Variants in EFCAB5 observed in about 807,000 individuals in gnomAD.
EFCAB5 encodes the protein EF-hand calcium binding domain 5.
EFCAB5 carries 131 observed loss-of-function variants against 167.9 expected under a neutral mutation model. The ratio of observed to expected loss-of-function variants is 0.78; its 90% CI spans 0.68 to 0.90. The LOEUF (loss-of-function observed/expected upper bound fraction) is 0.90. Among genes scored for constraint, EFCAB5 ranks in the 40% least tolerant of loss-of-function variants. The pLI is 0.00. For missense variants in EFCAB5, 1,663 were observed against 1,745.2 expected (o/e 0.95, Z 0.84); for synonymous variants, 574 against 602.8 (o/e 0.95, Z 0.70).
intron 8 of EFCAB5, among the ~76,000 whole-genome samples, chr17:30,039,367 T>C (rs937048789): frequency 6.6e-6 from 1 of 152,212 alleles, no homozygotes; most frequent in Non-Finnish European, 1.5e-5. Flanking sequence ...CATCTTTTCC[T>C]TTCCTTTCCT....
At chr17:29,939,312 A>C (rs200787484), upstream of EFCAB5, among the ~76,000 whole-genome samples, 1 of 152,240 alleles carries the variant, frequency 6.6e-6, no homozygotes, top group African/African-American at 2.4e-5. Flanking sequence ...TTGTTGTTCC[A>C]TTTATAGAGT....
At chr17:30,040,385 C>T (rs1188671825) in intron 8 of EFCAB5, among the ~76,000 whole-genome samples, 3 of 152,224 alleles carry the variant, frequency 2.0e-5, no homozygotes, top group African/African-American at 7.2e-5. Context: ...CCACCCTTAT[C>T]CATCCCCAAG....
intron 14 of EFCAB5, among the ~76,000 whole-genome samples, chr17:30,077,720 CA>C: frequency 6.6e-6 from 1 of 152,206 alleles, no homozygotes; most frequent in Middle Eastern, 3.4e-3. Context: ...AGACTGGATC[CA>C]AATATGGTAG....
At chr17:30,048,080 C>T (rs1424613129) in intron 8 of EFCAB5, among the ~76,000 whole-genome samples, 1 of 152,156 alleles carries the variant, frequency 6.6e-6, no homozygotes, top group Non-Finnish European at 1.5e-5. Flanking sequence ...AAAACACTCC[C>T]GTGGACCACT....
chr17:29,943,084 T>G (rs917580504), intron 2 of EFCAB5, among the ~76,000 whole-genome samples: 1 of 151,778 alleles, frequency 6.6e-6, no homozygotes, highest in Non-Finnish European at 1.5e-5. Context: ...TTAAAGTACA[T>G]TAGCATGTAT....
At chr17:30,057,049 G>A (rs2070289869) in intron 12 of EFCAB5, among the ~76,000 whole-genome samples, 1 of 152,074 alleles carries the variant, frequency 6.6e-6, no homozygotes, top group Non-Finnish European at 1.5e-5. Context: ...ACTTCATACT[G>A]TACTATTGAG....
In EFCAB5 at chr17:30,083,901, C is replaced by A. The variant is rs192350752; in HGVS notation, c.3579+858C>A. Among the ~76,000 whole-genome samples the A allele has an allele frequency of 7.6e-4, 115 of 152,230 alleles. 3 individuals carry two copies. Among genetic ancestry groups the A allele is most frequent in the Admixed American group, 7.5e-3 (115 of 15,290 alleles). On this transcript the variant is annotated intron_variant, in intron 18 of 22. Transcript: ENST00000394835. ...TTGGAAGGACTCAGTTATATGACACCGATTTTTTTAAGCCCTCCTATCCAT... is the reference window on the plus strand; with the variant it reads ...TTGGAAGGACTCAGTTATATGACACAGATTTTTTTAAGCCCTCCTATCCAT...
At position 30,080,918 on chromosome 17, in the gene EFCAB5, T is replaced by C; in HGVS notation, c.3363T>C (p.Val1121=). Residue 1121 remains valine (V), a synonymous_variant, in exon 17 of 23, where the codon GTT becomes GTC. Transcript: ENST00000394835. ...TGAGGATCTTTGGGGTCTTGGCTGT[T>C]GATACCCTTAGAGATCCCCACGAAA... ...AYMRIFGVLA[V]DTLRDPHEIN... is the part of the protein sequence containing the mutation. 1 of 1,613,770 alleles carries C rather than the reference T, an allele frequency of 6.2e-7. No individual in the cohort carries two copies.
intron 3 of EFCAB5, among the ~76,000 whole-genome samples, chr17:29,957,694 A>G (rs552806094): frequency 3.4e-4 from 52 of 152,302 alleles, no homozygotes; most frequent in African/African-American, 1.2e-3. Flanking sequence ...ATTCCATAGT[A>G]TATATGTACC....
At chr17:30,069,308 T>A (rs745728211) in intron 14 of EFCAB5, 100 of 1,504,794 alleles carry the variant, frequency 6.6e-5, no homozygotes, top group Non-Finnish European at 9.2e-5. Context: ...AGATGAGTTA[T>A]CCCCAGAAGA....
At chr17:30,043,240 A>C (rs2069824074) in intron 8 of EFCAB5, among the ~76,000 whole-genome samples, 1 of 152,190 alleles carries the variant, frequency 6.6e-6, no homozygotes, top group African/African-American at 2.4e-5. Context: ...CTCTCAACAC[A>C]CTAAAATTTC....
At position 30,026,178 on chromosome 17, in the gene EFCAB5, AAAAT is replaced by A. The variant is rs541839214; in HGVS notation, c.1045-8029_1045-8026del. Reference sequence around the variant, plus strand: ...AAAACTTAAAGTATAATAATAATAAAAAATAAATAAATAAATAAATAAATAATCA... The same window carrying A: ...AAAACTTAAAGTATAATAATAATAAAAAATAAATAAATAAATAAATAATCA... On this transcript the variant is annotated intron_variant, in intron 7 of 22. Transcript: ENST00000394835. 9.4e-3 allele frequency among the ~76,000 whole-genome samples: 1,429 copies of A among 151,914 alleles called. 23 individuals carry two copies. The highest frequency in any genetic ancestry group is 0.028 in the African/African-American group (1,161 of 41,452).
rs2071472118 is a variant in EFCAB5 at position 30,107,964 on chromosome 17, C to T, written c.4452C>T (p.Pro1484=). ...ATAGTGGTATTACACCTCCGTTGCCCTCCAAGACTGACAATTATATGTATG... is the reference window on the plus strand; with the variant it reads ...ATAGTGGTATTACACCTCCGTTGCCTTCCAAGACTGACAATTATATGTATG... ...QLNSGITPPL[P]SKTDNYMYAK... The change falls in exon 23 of 23, where the codon CCC becomes CCT. Residue 1484 remains proline (P), a synonymous_variant. Transcript: ENST00000394835. 1 of 1,610,464 alleles carries T rather than the reference C, an allele frequency of 6.2e-7. No individual in the cohort carries two copies. The highest frequency in any genetic ancestry group is 2.2e-5 in the East Asian group (1 of 44,666).
intron 4 of EFCAB5, among the ~76,000 whole-genome samples, chr17:29,981,127 T>A (rs1054955379): frequency 6.6e-6 from 1 of 152,188 alleles, no homozygotes; most frequent in East Asian, 1.9e-4. Flanking sequence ...ATAACTAAAG[T>A]GATTTTTTTA....
intron 7 of EFCAB5, among the ~76,000 whole-genome samples, chr17:30,026,144 A>C (rs963728712): frequency 7.9e-5 from 12 of 151,982 alleles, no homozygotes; most frequent in Non-Finnish European, 1.2e-4. Context: ...CATTGTGCAC[A>C]TGTACCCTAA....
intron 7 of EFCAB5, 32 bp downstream of exon 7, chr17:30,000,008 A>T (rs1221246120): frequency 6.8e-7 from 1 of 1,480,714 alleles, no homozygotes; most frequent in Admixed American, 2.0e-5. Flanking sequence ...GTTTGAATTG[A>T]ATTATTTTGT....
At chr17:30,059,809 AC>A in intron 14 of EFCAB5, 108 bp downstream of exon 14, 1 of 805,878 alleles carries the variant, frequency 1.2e-6, no homozygotes, top group South Asian at 3.8e-5. Context: ...CCACTAGATA[AC>A]CCTTCATGTC....
rs2070309979 is a variant in EFCAB5, at chr17:30,057,681, C to T, written c.2371C>T (p.His791Tyr). 2 of 1,611,574 alleles carry T rather than the reference C, an allele frequency of 1.2e-6. No individual in the cohort carries two copies. The highest frequency in any genetic ancestry group is 1.7e-6 in the Non-Finnish European group (2 of 1,178,236). Reference sequence around the variant, plus strand: ...TAATGTTTCTTGCTTGACAGATTTACACTCAATTATCAGAAATATTCAGTC... The same window carrying T: ...TAATGTTTCTTGCTTGACAGATTTATACTCAATTATCAGAAATATTCAGTC... ...IYGNSRFTDL[H>Y]SIIRNIQSCK... The change falls in exon 13 of 23, where the codon CAC (histidine) becomes TAC (tyrosine). Residue 791 changes from histidine to tyrosine, a missense_variant. Coordinates refer to ENST00000394835, the MANE Select transcript of EFCAB5 (RefSeq NM_198529.4).
At chr17:30,027,612 G>T (rs983622493) in intron 7 of EFCAB5, among the ~76,000 whole-genome samples, 8 of 152,000 alleles carry the variant, frequency 5.3e-5, no homozygotes, top group Non-Finnish European at 8.8e-5. Context: ...TTATACCATC[G>T]GCATGCATCG....
Sources: gnomAD v4.1 joint callset for allele counts (sites outside exome capture counted in the v4.1 genomes callset) on GRCh38, gnomAD v4.1.1 for gene constraint, MANE v1.5 for transcripts, NCBI Gene and HGNC (gene_info 2026-07-23, HGNC 2026-07-21) for gene names.